Variants in SLC30A8 observed in about 807,000 individuals in gnomAD.
The protein encoded by SLC30A8 is proton-coupled zinc antiporter SLC30A8.
Under a neutral mutation model 36.9 loss-of-function variants are expected in SLC30A8, and 27 were observed. That is an observed-to-expected ratio of 0.73 (90% CI 0.54 to 1.01). The LOEUF (loss-of-function observed/expected upper bound fraction) is 1.01, where lower values mean the gene tolerates loss of function less well. Ranked by LOEUF, SLC30A8 falls within the 50% of genes least tolerant of loss-of-function variation. The probability of loss-of-function intolerance (pLI) is 0.00; values close to 1 mark genes in which losing one functional copy is unlikely to be tolerated. For missense variants in SLC30A8, 439 were observed against 452.0 expected (o/e 0.97, Z 0.26); for synonymous variants, 164 against 172.4 (o/e 0.95, Z 0.38).
At chr8:117,000,919 C>T (rs1050213435) in intron 1 of SLC30A8, among the ~76,000 whole-genome samples, 1 of 152,056 alleles carries the variant, frequency 6.6e-6, no homozygotes, top group African/African-American at 2.4e-5. Flanking sequence ...AGTAATATAC[C>T]TAGTATGTTA....
At chr8:116,971,815 C>T (rs920065429) in intron 1 of SLC30A8, among the ~76,000 whole-genome samples, 3 of 152,100 alleles carry the variant, frequency 2.0e-5, no homozygotes, top group Non-Finnish European at 2.9e-5. Context: ...AATGCCTCAC[C>T]GTCATAATGA....
intron 3 of SLC30A8, among the ~76,000 whole-genome samples, chr8:117,154,847 G>A (rs141354604): frequency 1.6e-3 from 238 of 152,224 alleles, no homozygotes; most frequent in Middle Eastern, 3.4e-3. Flanking sequence ...CTTTGGCATC[G>A]TGGCCATGGA....
chr8:117,140,648 A>G (rs1033312522), intron 1 of SLC30A8, among the ~76,000 whole-genome samples: 1 of 152,090 alleles, frequency 6.6e-6, no homozygotes, highest in African/African-American at 2.4e-5. Flanking sequence ...TCTTACATCT[A>G]CCTAAACTAT....
chr8:116,976,825 T>TCTTTCTTTCTTTCTTTCTTTCTTTC (rs199570679), intron 1 of SLC30A8, among the ~76,000 whole-genome samples: 37 of 144,976 alleles, frequency 2.6e-4, no homozygotes, highest in African/African-American at 9.6e-4. Flanking sequence ...TTTCTTTCTT[T>TCTTTCTTTCTTTCTTTCTTTCTTTC]TTTTTTTTTT....
chr8:117,168,496 G>T (rs1823181579), intron 6 of SLC30A8, among the ~76,000 whole-genome samples: 1 of 151,974 alleles, frequency 6.6e-6, no homozygotes, highest in Non-Finnish European at 1.5e-5. Context: ...TATTTTTTCA[G>T]ACTCCCCCCC....
At chr8:117,133,488 A>C (rs1174426876), upstream of SLC30A8, among the ~76,000 whole-genome samples, 2 of 151,974 alleles carry the variant, frequency 1.3e-5, no homozygotes, top group Non-Finnish European at 2.9e-5. Flanking sequence ...AAACTTCCAG[A>C]TTGTTTATTT....
intron 1 of SLC30A8, among the ~76,000 whole-genome samples, chr8:116,955,744 A>T (rs965641806): frequency 1.3e-5 from 2 of 152,136 alleles, no homozygotes; most frequent in East Asian, 3.9e-4. Flanking sequence ...AATAAAAAAA[A>T]AGAAAACAAA....
chr8:117,106,272 AT>A (rs1312322524), intron 2 of SLC30A8, among the ~76,000 whole-genome samples: 5 of 152,186 alleles, frequency 3.3e-5, no homozygotes, highest in African/African-American at 1.2e-4. Context: ...TTTTCATTTA[AT>A]TGTAATTAAT....
chr8:117,022,070 G>A (rs1325150946), intron 1 of SLC30A8, among the ~76,000 whole-genome samples: 1 of 151,790 alleles, frequency 6.6e-6, no homozygotes, highest in East Asian at 1.9e-4. Flanking sequence ...CATAGTGGCC[G>A]GCACCTGTAG....
At chr8:117,101,589 T>C (rs1819724513) in intron 2 of SLC30A8, among the ~76,000 whole-genome samples, 1 of 152,172 alleles carries the variant, frequency 6.6e-6, no homozygotes, top group African/African-American at 2.4e-5. Flanking sequence ...GTGCAAAGTA[T>C]TGTACCTGGG....
chr8:117,035,615 C>T (rs999260160), intron 1 of SLC30A8, among the ~76,000 whole-genome samples: 7 of 152,228 alleles, frequency 4.6e-5, no homozygotes, highest in Non-Finnish European at 1.5e-5. Flanking sequence ...AAGCAGTGCC[C>T]CAGTGAGGAC....
rs1822271257 is a variant in SLC30A8, at chr8:117,153,030, T to C, written c.358T>C (p.Ser120Pro). The C allele has an allele frequency of 1.2e-6, 2 of 1,613,448 alleles. No homozygotes were observed. The highest frequency in any genetic ancestry group is 2.7e-5 in the African/African-American group (2 of 74,902). ...DLTSFLLSLF[S>P]LWLSSKPPSK... ...GACCAGTTTCCTGCTCAGTCTCTTCTCCCTGTGGTTGTCATCGAAGCCTCC... is the reference window on the plus strand; with the variant it reads ...GACCAGTTTCCTGCTCAGTCTCTTCCCCCTGTGGTTGTCATCGAAGCCTCC... The change falls in exon 3 of 8, where the codon TCC becomes CCC. Residue 120 changes from serine (S) to proline (P), a missense_variant. Physicochemically the swap from Ser to Pro is moderately conservative, Grantham distance 74. Coordinates refer to ENST00000456015, the MANE Select transcript of SLC30A8 (RefSeq NM_173851.3).
At chr8:117,123,777 TCTG>T (rs1820786248) in intron 2 of SLC30A8, among the ~76,000 whole-genome samples, 1 of 152,034 alleles carries the variant, frequency 6.6e-6, no homozygotes, top group Non-Finnish European at 1.5e-5. Context: ...CACATTAAGA[TCTG>T]CTGTACAACA....
At chr8:117,009,061 A>G (rs564646971) in intron 1 of SLC30A8, among the ~76,000 whole-genome samples, 28 of 152,344 alleles carry the variant, frequency 1.8e-4, no homozygotes, top group Non-Finnish European at 3.4e-4. Context: ...TCTTCTACCA[A>G]TGCTGGTTTC....
At position 117,174,900 on chromosome 8, in the gene SLC30A8, G is replaced by A. The variant is rs1285359182; in HGVS notation, c.*2219G>A. 1 of 152,144 alleles carries A rather than the reference G, an allele frequency of 6.6e-6. No homozygotes were observed. Among genetic ancestry groups the A allele is most frequent in the Non-Finnish European group, 1.5e-5 (1 of 67,988 alleles). The allele number at this position is 152,144 out of a possible 1,614,324, so 9.4% of individuals were successfully genotyped here. ...GCAAAATGCAAGACAATCTACAAGGGAGATTTTAAGGATTTTGAGATGAAA... is the reference window on the plus strand; with the variant it reads ...GCAAAATGCAAGACAATCTACAAGGAAGATTTTAAGGATTTTGAGATGAAA... On this transcript the variant is annotated 3_prime_UTR_variant, in exon 8 of 8. Coordinates refer to ENST00000456015, the MANE Select transcript of SLC30A8 (RefSeq NM_173851.3).
At chr8:117,030,941 A>G (rs928589754) in intron 1 of SLC30A8, among the ~76,000 whole-genome samples, 85 of 152,312 alleles carry the variant, frequency 5.6e-4, no homozygotes, top group African/African-American at 2.0e-3. Context: ...CAAGAGAAAC[A>G]ATCTATTTAA....
At chr8:117,166,599 T>TGCTGGTCCCAGGACAACACTTCAGGAACC (rs1823066937) in intron 6 of SLC30A8, among the ~76,000 whole-genome samples, 2 of 152,114 alleles carry the variant, frequency 1.3e-5, no homozygotes, top group Non-Finnish European at 2.9e-5. Flanking sequence ...ATGCTGGTGC[T>TGCTGGTCCCAGGACAACACTTCAGGAACC]GCTGGTCCCA....
intron 1 of SLC30A8, among the ~76,000 whole-genome samples, chr8:117,145,221 C>A (rs1821844293): frequency 6.6e-6 from 1 of 151,952 alleles, no homozygotes; most frequent in Admixed American, 6.6e-5. Context: ...GTTTTCTGTG[C>A]TTATAACCTA....
At chr8:117,069,911 G>T (rs1275682004) in intron 2 of SLC30A8, among the ~76,000 whole-genome samples, 1 of 152,096 alleles carries the variant, frequency 6.6e-6, no homozygotes, top group Non-Finnish European at 1.5e-5. Flanking sequence ...CATTAGTTTT[G>T]GTGTGGTTTG....
Sources: gnomAD v4.1 joint callset for allele counts (sites outside exome capture counted in the v4.1 genomes callset) on GRCh38, gnomAD v4.1.1 for gene constraint, MANE v1.5 for transcripts, NCBI Gene and HGNC (gene_info 2026-07-23, HGNC 2026-07-21) for gene names.